Variants in KCNQ3 observed in about 807,000 individuals in gnomAD.
KCNQ3 encodes potassium voltage-gated channel subfamily KQT member 3.
In KCNQ3, 30 loss-of-function variants were observed where a neutral mutation model predicts 92.5. That is an observed-to-expected ratio of 0.32 (90% CI 0.24 to 0.44). The LOEUF (loss-of-function observed/expected upper bound fraction) is 0.44, where lower values mean the gene tolerates loss of function less well. KCNQ3 is among the 20% of genes least tolerant of loss of function. The pLI is 1.00. For missense variants in KCNQ3, 913 were observed against 1,140.3 expected, an observed-to-expected ratio of 0.80 and a Z score of 2.87; for synonymous variants, 450 against 468.8, an observed-to-expected ratio of 0.96 and a Z score of 0.52.
chr8:132,337,087 T>C (rs999286982), intron 1 of KCNQ3, among the ~76,000 whole-genome samples: 1 of 152,226 alleles, frequency 6.6e-6, no homozygotes, highest in Non-Finnish European at 1.5e-5. Context: ...TAAAGGTCCC[T>C]TATTGCCTAA....
intron 14 of KCNQ3, among the ~76,000 whole-genome samples, chr8:132,130,718 G>A (rs1340654633): frequency 1.3e-5 from 2 of 152,224 alleles, no homozygotes; most frequent in South Asian, 2.1e-4. Flanking sequence ...TCTACATGGT[G>A]ATTTAAGCCC....
chr8:132,312,581 T>C (rs911179966), intron 1 of KCNQ3, among the ~76,000 whole-genome samples: 1 of 152,132 alleles, frequency 6.6e-6, no homozygotes, highest in Admixed American at 6.5e-5. Context: ...TCAGATATTA[T>C]CTAGAATTGT....
intron 1 of KCNQ3, among the ~76,000 whole-genome samples, chr8:132,211,855 AGGC>A (rs1326581268): frequency 4.0e-5 from 6 of 149,914 alleles, no homozygotes; most frequent in African/African-American, 1.5e-4. Flanking sequence ...TGGGAGGCTG[AGGC>A]AGGAGAACTG....
At chr8:132,239,330 A>G (rs4736562) in intron 1 of KCNQ3, among the ~76,000 whole-genome samples, 87,889 of 152,082 alleles carry the variant, frequency 0.58, 26,104 homozygotes, top group East Asian at 0.77. Flanking sequence ...AATCAACCAC[A>G]TTCTCACACA....
intron 1 of KCNQ3, among the ~76,000 whole-genome samples, chr8:132,410,390 T>G (rs1820617982): frequency 6.6e-6 from 1 of 152,200 alleles, no homozygotes; most frequent in Admixed American, 6.5e-5. Flanking sequence ...CTGAGCTTCT[T>G]GAAAACCAGG....
chr8:132,321,159 T>G (rs188290450), intron 1 of KCNQ3, among the ~76,000 whole-genome samples: 1 of 152,352 alleles, frequency 6.6e-6, no homozygotes, highest in Non-Finnish European at 1.5e-5. Context: ...TCTCATGTTG[T>G]AGAAATTCCA....
At chr8:132,135,180 T>C (rs1825041942) in intron 12 of KCNQ3, among the ~76,000 whole-genome samples, 1 of 152,224 alleles carries the variant, frequency 6.6e-6, no homozygotes, top group South Asian at 2.1e-4. Context: ...TATATGGTTT[T>C]CTGTTCCTGC....
intron 1 of KCNQ3, among the ~76,000 whole-genome samples, chr8:132,209,991 T>C (rs1447287772): frequency 1.3e-5 from 2 of 152,202 alleles, no homozygotes; most frequent in Non-Finnish European, 2.9e-5. Flanking sequence ...TAGAAAATTT[T>C]ATTTTAACAA....
At chr8:132,307,974 C>A (rs992350559) in intron 1 of KCNQ3, among the ~76,000 whole-genome samples, 4 of 152,174 alleles carry the variant, frequency 2.6e-5, no homozygotes, top group African/African-American at 9.7e-5. Flanking sequence ...CTGTCTCATC[C>A]TCTGGTCCCC....
intron 1 of KCNQ3, among the ~76,000 whole-genome samples, chr8:132,277,670 G>C (rs760597398): frequency 6.6e-6 from 1 of 152,106 alleles, no homozygotes; most frequent in African/African-American, 2.4e-5. Flanking sequence ...AAGCCCAAAT[G>C]AGCAGATGGA....
intron 9 of KCNQ3, among the ~76,000 whole-genome samples, chr8:132,155,377 C>G (rs1035813548): frequency 6.6e-6 from 1 of 151,984 alleles, no homozygotes; most frequent in Non-Finnish European, 1.5e-5. Flanking sequence ...TGATCTGACT[C>G]CTAAACTAGC....
chr8:132,362,820 G>A (rs145165315), intron 1 of KCNQ3, among the ~76,000 whole-genome samples: 1 of 152,190 alleles, frequency 6.6e-6, no homozygotes, highest in Non-Finnish European at 1.5e-5. Flanking sequence ...CAGATGTATT[G>A]AGCTGGGAAA....
chr8:132,138,041 G>A (rs1251223531), intron 11 of KCNQ3, 25 bp from the exon 12 acceptor site: 1 of 1,603,600 alleles, frequency 6.2e-7, no homozygotes. Context: ...AGAGGCATTT[G>A]TGCATCCCAT....
At chr8:132,423,163 G>A (rs1338557666) in intron 1 of KCNQ3, among the ~76,000 whole-genome samples, 1 of 152,188 alleles carries the variant, frequency 6.6e-6, no homozygotes. Flanking sequence ...CACCTGTTGA[G>A]AGGAGGGTAA....
chr8:132,224,681 T>G (rs1814352011), intron 1 of KCNQ3, among the ~76,000 whole-genome samples: 1 of 152,174 alleles, frequency 6.6e-6, no homozygotes, highest in Admixed American at 6.5e-5. Context: ...ACAGGACAAT[T>G]CTCTTTCTAA....
At chr8:132,401,233 AAAGAGAAGGCTTGATTTCAT>A (rs1428123522) in intron 1 of KCNQ3, among the ~76,000 whole-genome samples, 1 of 152,170 alleles carries the variant, frequency 6.6e-6, no homozygotes, top group Non-Finnish European at 1.5e-5. Context: ...AGGAAAACAC[AAAGAGAAGGCTTGATTTCAT>A]AAGATGGTTG....
At chr8:132,307,673 T>A (rs979501443) in intron 1 of KCNQ3, among the ~76,000 whole-genome samples, 1 of 152,186 alleles carries the variant, frequency 6.6e-6, no homozygotes, top group African/African-American at 2.4e-5. Flanking sequence ...AGTGTTTGTT[T>A]AATTGAATCA....
intron 1 of KCNQ3, among the ~76,000 whole-genome samples, chr8:132,345,242 C>T (rs535318487): frequency 1.3e-5 from 2 of 152,276 alleles, no homozygotes; most frequent in South Asian, 2.1e-4. Flanking sequence ...CTTTCTCTCA[C>T]GTATGAAATG....
intron 8 of KCNQ3, among the ~76,000 whole-genome samples, chr8:132,166,206 A>G (rs1826138602): frequency 2.0e-5 from 3 of 152,158 alleles, no homozygotes; most frequent in Non-Finnish European, 4.4e-5. Flanking sequence ...CTGTTCCTCA[A>G]TTGCACTGCT....
Sources: gnomAD v4.1 joint callset for allele counts (sites outside exome capture counted in the v4.1 genomes callset) on GRCh38, gnomAD v4.1.1 for gene constraint, MANE v1.5 for transcripts, NCBI Gene and HGNC (gene_info 2026-07-23, HGNC 2026-07-21) for gene names.